The following CPLX1 variants were observed in gnomAD, a reference collection of about 807,000 sequenced individuals.
CPLX1 encodes the protein complexin 1.
CPLX1 carries 6 observed loss-of-function variants against 15.6 expected under a neutral mutation model. The observed-to-expected ratio is 0.39, with a 90% CI of 0.21 to 0.76. The LOEUF is 0.76. Among genes scored for constraint, CPLX1 ranks in the 30% least tolerant of loss-of-function variants. CPLX1 has a pLI of 0.43. For synonymous variants in CPLX1, 91 were observed against 75.2 expected, an observed-to-expected ratio of 1.21 and a Z score of -1.08; for missense variants, 242 against 188.6, an observed-to-expected ratio of 1.28 and a Z score of -1.66.
chr4:793,259 G>T (rs1247104763), intron 2 of CPLX1, among the ~76,000 whole-genome samples: 1 of 152,154 alleles, frequency 6.6e-6, no homozygotes, highest in Non-Finnish European at 1.5e-5. Context: ...CTGACCCCTG[G>T]GGCAGAAGCT....
At chr4:793,406 C>A (rs1181999571) in intron 2 of CPLX1, among the ~76,000 whole-genome samples, 2 of 152,186 alleles carry the variant, frequency 1.3e-5, no homozygotes, top group Non-Finnish European at 2.9e-5. Context: ...CACTACTTTT[C>A]TCATGAGCTG....
At chr4:793,833 C>A (rs1746256563) in intron 2 of CPLX1, among the ~76,000 whole-genome samples, 1 of 152,216 alleles carries the variant, frequency 6.6e-6, no homozygotes, top group African/African-American at 2.4e-5. Flanking sequence ...GATGCCAGAC[C>A]TCCTAAGGAC....
chr4:803,265 G>A (rs1746491868), intron 2 of CPLX1, among the ~76,000 whole-genome samples: 1 of 152,222 alleles, frequency 6.6e-6, no homozygotes. Flanking sequence ...TGTTTCGAAG[G>A]GTCCAGTGAA....
intron 2 of CPLX1, among the ~76,000 whole-genome samples, chr4:806,983 C>A (rs148879898): frequency 0.012 from 1,883 of 152,106 alleles, 12 homozygotes; most frequent in Non-Finnish European, 0.02. Context: ...GGGTATATAC[C>A]CAAAGGAATA....
rs1237103347 is a variant in CPLX1, at chr4:792,346, C to T, written c.207+87G>A. Reference sequence around the variant, plus strand: ...CCCAGGGGGACGCCCGCCCCTCTTCCGGGCAGCCCCTTCCACCCAGGCGGG... The same window carrying T: ...CCCAGGGGGACGCCCGCCCCTCTTCTGGGCAGCCCCTTCCACCCAGGCGGG... On this transcript the variant is annotated intron_variant, in intron 3 of 3. Transcript: ENST00000304062. 12 of 1,290,952 alleles carry T rather than the reference C, an allele frequency of 9.3e-6. No homozygotes were observed. In the African/African-American group the frequency reaches 1.2e-4, roughly 13 times the overall value. 80.0% of individuals were successfully genotyped at this position (1,290,952 alleles called of 1,614,324 possible).
chr4:796,449 C>T (rs1278192275), intron 2 of CPLX1, among the ~76,000 whole-genome samples: 1 of 152,140 alleles, frequency 6.6e-6, no homozygotes, highest in Admixed American at 6.6e-5. Context: ...CCACGCCTGG[C>T]TAATTTTTGT....
chr4:786,380 G>A lies in CPLX1; in HGVS notation c.*121C>T, dbSNP rs547040959. 7.0e-5 allele frequency: 81 copies of A among 1,161,974 alleles called. No individual in the cohort carries two copies. The African/African-American group carries it at 1.3e-3, about 18-fold the overall frequency. 72.0% of individuals were successfully genotyped at this position (1,161,974 alleles called of 1,614,324 possible). ...GGAGGCGGCGGGCGCGGGCAGGGCG[G>A]GCCTGGGGCTATGGCTTATATCGGC... On this transcript the variant is annotated 3_prime_UTR_variant, in exon 4 of 4. Transcript: ENST00000304062.
At chr4:823,986 C>G (rs1746923184) in intron 2 of CPLX1, among the ~76,000 whole-genome samples, 1 of 152,272 alleles carries the variant, frequency 6.6e-6, no homozygotes. Flanking sequence ...ATGGCGCTGC[C>G]TCACCCAAGT....
At chr4:823,671 G>A (rs1196360818) in intron 2 of CPLX1, among the ~76,000 whole-genome samples, 1 of 152,270 alleles carries the variant, frequency 6.6e-6, no homozygotes, top group Non-Finnish European at 1.5e-5. Flanking sequence ...ACAGCCCCGA[G>A]GCCTGAGTTG....
chr4:792,586 C>T lies in CPLX1; in HGVS notation c.54G>A (p.Lys18=). 2 of 1,612,972 alleles carry T rather than the reference C, an allele frequency of 1.2e-6. No homozygotes were observed. Among genetic ancestry groups the T allele is most frequent in the Non-Finnish European group, 1.7e-6 (2 of 1,179,496 alleles). Reference sequence around the variant, plus strand: ...CCTTCTCCTCGTCACCCCCCAGCATCTTCCCCATGTCCTTGGTGGCCCCTG... The same window carrying T: ...CCTTCTCCTCGTCACCCCCCAGCATTTTCCCCATGTCCTTGGTGGCCCCTG... ...ALGGATKDMG[K]MLGGDEEKDP... The change falls in exon 3 of 4, where the codon AAG becomes AAA. Residue 18 remains lysine, a synonymous_variant. Transcript: ENST00000304062.
intron 2 of CPLX1, among the ~76,000 whole-genome samples, chr4:810,992 C>T (rs1746657825): frequency 6.6e-6 from 1 of 152,084 alleles, no homozygotes; most frequent in African/African-American, 2.4e-5. Flanking sequence ...CCACCACGCC[C>T]AGCCTCTAAT....
chr4:805,115 A>AG (rs1274417805), intron 2 of CPLX1, among the ~76,000 whole-genome samples: 1 of 152,192 alleles, frequency 6.6e-6, no homozygotes, highest in Non-Finnish European at 1.5e-5. Context: ...ACATCCACAC[A>AG]GGGAAGCCCG....
At chr4:792,730 G>T in intron 2 of CPLX1, 122 bp from the exon 3 acceptor site, 1 of 1,065,666 alleles carries the variant, frequency 9.4e-7, no homozygotes, top group Non-Finnish European at 1.3e-6. Flanking sequence ...TCGACCCTCT[G>T]GCTGCCCCCA....
chr4:790,353 C>T (rs1458577118), intron 3 of CPLX1, among the ~76,000 whole-genome samples: 4 of 152,158 alleles, frequency 2.6e-5, no homozygotes, highest in African/African-American at 4.8e-5. Flanking sequence ...GCAGCAAGGT[C>T]CGGCCAGCTC....
At position 784,987 on chromosome 4, in the gene CPLX1, C is replaced by G. The variant is rs1745934966; in HGVS notation, c.*1514G>C. The G allele has an allele frequency of 6.6e-6, 1 of 152,254 alleles. No homozygotes were observed. Among genetic ancestry groups the G allele is most frequent in the South Asian group, 2.1e-4 (1 of 4,840 alleles). The allele number at this position is 152,254 out of a possible 1,614,324, so 9.4% of individuals were successfully genotyped here. Reference sequence around the variant, plus strand: ...TCACTGGTGTTTATTGGCTGTGATTCCATCCGGAGAGAACACACGCAGGGG... The same window carrying G: ...TCACTGGTGTTTATTGGCTGTGATTGCATCCGGAGAGAACACACGCAGGGG... On this transcript the variant is annotated 3_prime_UTR_variant, in exon 4 of 4. Transcript: ENST00000304062.
chr4:803,266 G>A (rs1027028965), intron 2 of CPLX1, among the ~76,000 whole-genome samples: 1 of 152,232 alleles, frequency 6.6e-6, no homozygotes, highest in Non-Finnish European at 1.5e-5. Context: ...GTTTCGAAGG[G>A]TCCAGTGAAG....
At chr4:788,487 G>A in intron 3 of CPLX1, 1 of 985,464 alleles carries the variant, frequency 1.0e-6, no homozygotes, top group Non-Finnish European at 1.2e-6. Flanking sequence ...TCTTGACAGA[G>A]CCGGGACTCC....
chr4:787,765 C>T, intron 3 of CPLX1: 4 of 985,264 alleles, frequency 4.1e-6, no homozygotes, highest in Non-Finnish European at 4.8e-6. Context: ...TACGCCTCCC[C>T]ACGCCACACT....
intron 2 of CPLX1, among the ~76,000 whole-genome samples, chr4:809,496 C>G (rs1019868453): frequency 6.6e-6 from 1 of 151,702 alleles, no homozygotes; most frequent in African/African-American, 2.4e-5. Flanking sequence ...GCTGCCCTCA[C>G]TCAGCCTTGA....
Sources: allele counts gnomAD v4.1 joint callset (sites outside exome capture counted in the v4.1 genomes callset), GRCh38; gene constraint gnomAD v4.1.1; transcripts MANE v1.5; gene names NCBI Gene and HGNC (gene_info 2026-07-23, HGNC 2026-07-21).